ZMAT4: variants seen among roughly 807,000 people sequenced by gnomAD.
ZMAT4 encodes zinc finger matrin-type protein 4.
Under a neutral mutation model 28.7 loss-of-function variants are expected in ZMAT4, and 17 were observed. The ratio of observed to expected loss-of-function variants is 0.59; its 90% CI spans 0.41 to 0.89. ZMAT4 has a LOEUF of 0.89. Among genes scored for constraint, ZMAT4 ranks in the 40% least tolerant of loss-of-function variants. The pLI, the probability that ZMAT4 is intolerant of heterozygous loss-of-function variation, is 0.00. For synonymous variants in ZMAT4, 117 were observed against 109.2 expected, an observed-to-expected ratio of 1.07 and a Z score of -0.44; for missense variants, 240 against 283.8, an observed-to-expected ratio of 0.85 and a Z score of 1.11.
At chr8:40,691,001 C>A (rs1809638484) in intron 4 of ZMAT4, 1 of 857,406 alleles carries the variant, frequency 1.2e-6, no homozygotes, top group Admixed American at 6.2e-5. Context: ...TTGTTGCTAC[C>A]AATCCACTTA....
chr8:40,646,282 T>C (rs962547743), intron 5 of ZMAT4, among the ~76,000 whole-genome samples: 1 of 151,982 alleles, frequency 6.6e-6, no homozygotes, highest in Non-Finnish European at 1.5e-5. Context: ...CTTTTTTTCA[T>C]GTAATTTAAT....
intron 2 of ZMAT4, among the ~76,000 whole-genome samples, chr8:40,788,325 C>T (rs1363876518): frequency 6.6e-6 from 1 of 152,198 alleles, no homozygotes; most frequent in African/African-American, 2.4e-5. Context: ...TGGCTCACGC[C>T]TGTAATCCCA....
chr8:40,648,102 G>A (rs983931355), intron 5 of ZMAT4, among the ~76,000 whole-genome samples: 16 of 152,192 alleles, frequency 1.1e-4, no homozygotes, highest in South Asian at 4.1e-4. Flanking sequence ...GAGAGAAGGC[G>A]GCTTCAGACG....
intron 3 of ZMAT4, among the ~76,000 whole-genome samples, chr8:40,740,693 C>T (rs1313227374): frequency 6.6e-6 from 1 of 152,178 alleles, no homozygotes; most frequent in Non-Finnish European, 1.5e-5. Context: ...TTTTTCCCAT[C>T]TAAGTTCACA....
At chr8:40,811,991 C>CATG (rs1815338093) in intron 2 of ZMAT4, among the ~76,000 whole-genome samples, 1 of 150,290 alleles carries the variant, frequency 6.7e-6, no homozygotes, top group East Asian at 2.1e-4. Flanking sequence ...ATTAGCCAGG[C>CATG]GTGGTGGTGC....
chr8:40,867,521 C>G (rs1455992368), intron 1 of ZMAT4, among the ~76,000 whole-genome samples: 3 of 152,184 alleles, frequency 2.0e-5, no homozygotes, highest in Non-Finnish European at 4.4e-5. Context: ...ACCCTCCACC[C>G]TCTGCCTCTT....
At chr8:40,805,211 G>A (rs1815028275) in intron 2 of ZMAT4, among the ~76,000 whole-genome samples, 1 of 151,778 alleles carries the variant, frequency 6.6e-6, no homozygotes, top group African/African-American at 2.4e-5. Flanking sequence ...CTGGCCATCA[G>A]AGAAATGCAA....
At chr8:40,749,290 G>A (rs1184613839) in intron 3 of ZMAT4, among the ~76,000 whole-genome samples, 1 of 152,132 alleles carries the variant, frequency 6.6e-6, no homozygotes, top group Non-Finnish European at 1.5e-5. Flanking sequence ...ATGAGCACCT[G>A]TCTCTCACCA....
intron 5 of ZMAT4, among the ~76,000 whole-genome samples, chr8:40,610,671 G>A (rs906562518): frequency 5.3e-5 from 8 of 151,842 alleles, no homozygotes; most frequent in East Asian, 1.9e-4. Context: ...GAAAAGTGCC[G>A]GGGTTTCACA....
chr8:40,678,515 C>T (rs1481709919), intron 4 of ZMAT4, among the ~76,000 whole-genome samples: 5 of 152,188 alleles, frequency 3.3e-5, no homozygotes, highest in Non-Finnish European at 7.4e-5. Context: ...CAAGATGCTA[C>T]TGAATCCCAT....
At chr8:40,842,157 G>C (rs1188436742) in intron 1 of ZMAT4, among the ~76,000 whole-genome samples, 1 of 152,180 alleles carries the variant, frequency 6.6e-6, no homozygotes, top group African/African-American at 2.4e-5. Context: ...TGTGGCTCCT[G>C]GGGGCAGCAA....
intron 3 of ZMAT4, among the ~76,000 whole-genome samples, chr8:40,752,983 C>T (rs1049812497): frequency 1.8e-4 from 28 of 151,996 alleles, no homozygotes; most frequent in African/African-American, 5.6e-4. Context: ...CCTATCAACC[C>T]GTCATCTAGG....
intron 1 of ZMAT4, among the ~76,000 whole-genome samples, chr8:40,890,861 C>G (rs1818643264): frequency 6.6e-6 from 1 of 151,850 alleles, no homozygotes; most frequent in African/African-American, 2.4e-5. Context: ...TCTTTCTTAC[C>G]CTCCTCCCAT....
chr8:40,642,789 G>T lies in ZMAT4; in HGVS notation c.577+31915C>A, dbSNP rs577747454. On this transcript the variant is annotated intron_variant, in intron 5 of 6. Coordinates refer to ENST00000297737, the MANE Select transcript of ZMAT4 (RefSeq NM_024645.3). The stretch of plus-strand genomic sequence containing the variant: ...AGAGGAGGAGCACTGCCGTGCATAT[G>T]CTCAGAAGGAGCAGAGATCATTTCC... 9.8e-5 allele frequency among the ~76,000 whole-genome samples: 15 copies of T among 152,346 alleles called. No individual in the cohort carries two copies. The South Asian group carries it at 2.9e-3, about 29-fold the overall frequency.
At chr8:40,741,446 CAAAA>C (rs34475226) in intron 3 of ZMAT4, among the ~76,000 whole-genome samples, 1 of 118,420 alleles carries the variant, frequency 8.4e-6, no homozygotes, top group Admixed American at 8.3e-5. Context: ...AAGTCTGTCT[CAAAA>C]AAAAAAAAAA....
intron 1 of ZMAT4, among the ~76,000 whole-genome samples, chr8:40,839,268 G>T (rs1158370688): frequency 6.6e-6 from 1 of 152,178 alleles, no homozygotes; most frequent in Non-Finnish European, 1.5e-5. Flanking sequence ...CTGGCGAGAC[G>T]AAAGCAAGGG....
chr8:40,722,852 T>C (rs773932514), intron 3 of ZMAT4, among the ~76,000 whole-genome samples: 11 of 152,160 alleles, frequency 7.2e-5, no homozygotes, highest in Non-Finnish European at 1.5e-4. Flanking sequence ...TCTCCACCTG[T>C]GAGCGTCCAC....
chr8:40,874,813 C>T (rs1002406400), intron 1 of ZMAT4, among the ~76,000 whole-genome samples: 1 of 152,218 alleles, frequency 6.6e-6, no homozygotes, highest in Non-Finnish European at 1.5e-5. Context: ...GCTGATTGGA[C>T]TGCAGCAGGC....
intron 2 of ZMAT4, among the ~76,000 whole-genome samples, chr8:40,797,094 T>G (rs1313518708): frequency 6.6e-6 from 1 of 152,180 alleles, no homozygotes; most frequent in Non-Finnish European, 1.5e-5. Flanking sequence ...CTCTGAGCTT[T>G]TGTGCCATCC....
Sources: gnomAD v4.1 joint callset for allele counts (sites outside exome capture counted in the v4.1 genomes callset) on GRCh38, gnomAD v4.1.1 for gene constraint, MANE v1.5 for transcripts, NCBI Gene and HGNC (gene_info 2026-07-23, HGNC 2026-07-21) for gene names.